Variants in ATP8B4 observed in about 807,000 individuals in gnomAD.
The protein encoded by ATP8B4 is ATPase phospholipid transporting 8B4 (putative).
In ATP8B4, 133 loss-of-function variants were observed where a neutral mutation model predicts 145.6. The ratio of observed to expected loss-of-function variants is 0.91; its 90% CI spans 0.79 to 1.05. The LOEUF is 1.05. ATP8B4 is among the 50% of genes least tolerant of loss of function. ATP8B4 has a pLI of 0.00. For synonymous variants in ATP8B4, 507 were observed against 492.9 expected, an observed-to-expected ratio of 1.03 and a Z score of -0.38; for missense variants, 1,458 against 1,425.2, an observed-to-expected ratio of 1.02 and a Z score of -0.37.
intron 20 of ATP8B4, among the ~76,000 whole-genome samples, chr15:49,905,250 A>T (rs189323318): frequency 9.1e-4 from 139 of 152,354 alleles, no homozygotes; most frequent in Admixed American, 1.8e-3. Flanking sequence ...CACATTTGAC[A>T]GGTTTAAATA....
chr15:49,860,152 C>T lies in ATP8B4; in HGVS notation c.*42G>A, dbSNP rs765429239. ...GGAGCCAGCAGAATTTCAGCTCCAC[C>T]TGAAGTGAAAAGATAACTACGTGGT... On this transcript the variant is annotated 3_prime_UTR_variant, in exon 28 of 28. Transcript: ENST00000284509. 6.4e-7 allele frequency: 1 copy of T among 1,556,368 alleles called. No individual in the cohort carries two copies. The highest frequency in any genetic ancestry group is 8.7e-7 in the Non-Finnish European group (1 of 1,150,998).
intron 13 of ATP8B4, among the ~76,000 whole-genome samples, chr15:49,965,875 A>G (rs188445078): frequency 8.5e-5 from 13 of 152,238 alleles, no homozygotes; most frequent in Middle Eastern, 3.4e-3. Flanking sequence ...TCCCAATGAG[A>G]TCAACACAGA....
intron 9 of ATP8B4, among the ~76,000 whole-genome samples, chr15:49,995,704 C>G (rs1269188705): frequency 6.6e-6 from 1 of 151,914 alleles, no homozygotes; most frequent in African/African-American, 2.4e-5. Flanking sequence ...CCATGTTTTC[C>G]CTAAGTGGAT....
intron 14 of ATP8B4, among the ~76,000 whole-genome samples, chr15:49,944,580 G>C (rs1470302502): frequency 6.6e-6 from 1 of 152,116 alleles, no homozygotes; most frequent in African/African-American, 2.4e-5. Flanking sequence ...ACCATTGACA[G>C]AACTGAAGGG....
At chr15:50,107,377 G>C (rs2056737320) in intron 1 of ATP8B4, among the ~76,000 whole-genome samples, 1 of 152,144 alleles carries the variant, frequency 6.6e-6, no homozygotes, top group African/African-American at 2.4e-5. Flanking sequence ...CCACAGCTGA[G>C]AACCACAACT....
At chr15:50,086,959 A>G (rs2055180381) in intron 2 of ATP8B4, among the ~76,000 whole-genome samples, 1 of 103,190 alleles carries the variant, frequency 9.7e-6, no homozygotes, top group African/African-American at 4.2e-5. Context: ...TATATATAAT[A>G]AAATAATATA....
At chr15:50,132,025 C>A (rs552294836) in intron 1 of ATP8B4, among the ~76,000 whole-genome samples, 1 of 127,116 alleles carries the variant, frequency 7.9e-6, no homozygotes, top group Non-Finnish European at 1.6e-5. Context: ...TGCCAAAGGC[C>A]ATTGTTTCTA....
intron 2 of ATP8B4, among the ~76,000 whole-genome samples, chr15:50,079,752 T>G (rs1242554663): frequency 6.6e-6 from 1 of 152,204 alleles, no homozygotes; most frequent in Non-Finnish European, 1.5e-5. Context: ...TTTGGGATAT[T>G]TGAATGAATG....
chr15:49,946,793 C>G (rs935392733), intron 14 of ATP8B4, among the ~76,000 whole-genome samples: 18 of 152,144 alleles, frequency 1.2e-4, no homozygotes, highest in Non-Finnish European at 2.2e-4. Flanking sequence ...GGGGCTGCCC[C>G]AGACTGGGTT....
intron 12 of ATP8B4, among the ~76,000 whole-genome samples, chr15:49,978,785 C>CACACACAT (rs779898469): frequency 7.6e-6 from 1 of 131,268 alleles, no homozygotes; most frequent in Non-Finnish European, 1.6e-5. Flanking sequence ...CACACACACA[C>CACACACAT]ATGCATACAT....
chr15:49,943,519 T>G (rs555169720), intron 14 of ATP8B4, among the ~76,000 whole-genome samples: 55 of 152,062 alleles, frequency 3.6e-4, no homozygotes, highest in African/African-American at 1.3e-3. Flanking sequence ...AGATCATCAG[T>G]AGATTTTCCA....
At chr15:49,862,735 G>C (rs1015700761) in intron 26 of ATP8B4, among the ~76,000 whole-genome samples, 1 of 152,130 alleles carries the variant, frequency 6.6e-6, no homozygotes, top group Admixed American at 6.5e-5. Context: ...GATTACAGGC[G>C]TGAGCCACCA....
At chr15:50,095,593 C>CA (rs2055923703) in intron 2 of ATP8B4, among the ~76,000 whole-genome samples, 1 of 152,022 alleles carries the variant, frequency 6.6e-6, no homozygotes, top group South Asian at 2.1e-4. Flanking sequence ...CCTATCTTTA[C>CA]AAAAAATTAA....
intron 3 of ATP8B4, among the ~76,000 whole-genome samples, chr15:50,072,303 A>G (rs2053795759): frequency 6.6e-6 from 1 of 152,156 alleles, no homozygotes; most frequent in Admixed American, 6.5e-5. Flanking sequence ...AAACTCAATC[A>G]TACAACAGGT....
intron 1 of ATP8B4, among the ~76,000 whole-genome samples, chr15:50,110,681 A>G (rs1260642673): frequency 6.6e-6 from 1 of 152,244 alleles, no homozygotes; most frequent in Non-Finnish European, 1.5e-5. Flanking sequence ...GAAATGGAAA[A>G]GGGAAAGCTG....
intron 2 of ATP8B4, among the ~76,000 whole-genome samples, chr15:50,092,071 A>G (rs1350138979): frequency 1.3e-5 from 2 of 152,182 alleles, no homozygotes; most frequent in Non-Finnish European, 2.9e-5. Flanking sequence ...GAAGTGAGAA[A>G]AGACAATAAT....
intron 3 of ATP8B4, among the ~76,000 whole-genome samples, chr15:50,057,452 C>T (rs189362490): frequency 1.6e-4 from 25 of 152,256 alleles, no homozygotes; most frequent in African/African-American, 6.0e-4. Flanking sequence ...TCTAGACTGC[C>T]TTTTGGTTAA....
intron 14 of ATP8B4, among the ~76,000 whole-genome samples, chr15:49,955,003 G>T (rs2153499224): frequency 6.6e-6 from 1 of 152,278 alleles, no homozygotes; most frequent in East Asian, 1.9e-4. Context: ...ATTAAAAAAT[G>T]AACAAAATTA....
intron 21 of ATP8B4, among the ~76,000 whole-genome samples, chr15:49,899,761 AAAAG>A (rs1599000793): frequency 6.6e-6 from 1 of 152,288 alleles, no homozygotes; most frequent in Admixed American, 6.5e-5. Flanking sequence ...GATTAAAAAA[AAAAG>A]AAAGAAAGAA....
Sources: allele counts gnomAD v4.1 joint callset (sites outside exome capture counted in the v4.1 genomes callset), GRCh38; gene constraint gnomAD v4.1.1; transcripts MANE v1.5; gene names NCBI Gene and HGNC (gene_info 2026-07-23, HGNC 2026-07-21).